HIPK2: variants seen among roughly 807,000 people sequenced by gnomAD.
The protein encoded by HIPK2 is homeodomain interacting protein kinase 2, also known as homeodomain-interacting protein kinase 2.
A neutral mutation model predicts 113.7 loss-of-function variants in HIPK2; 27 were observed. The observed-to-expected ratio is 0.24, with a 90% CI of 0.17 to 0.33. The LOEUF is 0.33. HIPK2 is among the 10% of genes least tolerant of loss of function. The pLI, the probability that HIPK2 is intolerant of heterozygous loss-of-function variation, is 1.00. For synonymous variants in HIPK2, 631 were observed against 642.2 expected, an observed-to-expected ratio of 0.98 and a Z score of 0.26; for missense variants, 1,257 against 1,588.0, an observed-to-expected ratio of 0.79 and a Z score of 3.54.
chr7:139,766,800 T>G (rs556004884), intron 1 of HIPK2, among the ~76,000 whole-genome samples: 52 of 152,304 alleles, frequency 3.4e-4, no homozygotes, highest in Non-Finnish European at 7.1e-4. Flanking sequence ...TCTTAAATAT[T>G]AGTTAATAAT....
At chr7:139,727,684 A>C (rs553306737) in intron 1 of HIPK2, among the ~76,000 whole-genome samples, 1 of 152,318 alleles carries the variant, frequency 6.6e-6, no homozygotes, top group African/African-American at 2.4e-5. Flanking sequence ...TGAAGCCATC[A>C]ACCACTGTGG....
Position 139,573,157 on chromosome 7 carries a change from AGGCCACCAGGTG to A in HIPK2, c.3355_3366del (p.His1119_Ala1122del). 6.2e-7 allele frequency: 1 copy of A among 1,610,518 alleles called. No individual in the cohort carries two copies. Among genetic ancestry groups the A allele is most frequent in the Non-Finnish European group, 8.5e-7 (1 of 1,179,270 alleles). The stretch of plus-strand genomic sequence containing the variant: ...ACGGTGTGGCGCGCAGAGCCTTGCG[AGGCCACCAGGTG>A]GGCCACGGTGCCGGTGGAGCCCAGG... On this transcript the variant is annotated inframe_deletion, in exon 15 of 15. Transcript: ENST00000406875.
intron 2 of HIPK2, among the ~76,000 whole-genome samples, chr7:139,651,020 T>C (rs2116467658): frequency 6.6e-6 from 1 of 152,332 alleles, no homozygotes; most frequent in African/African-American, 2.4e-5. Flanking sequence ...CCACGGAATT[T>C]TGAGGTACTT....
intron 1 of HIPK2, among the ~76,000 whole-genome samples, chr7:139,746,610 T>C (rs1424451342): frequency 1.3e-5 from 2 of 152,196 alleles, no homozygotes; most frequent in Non-Finnish European, 2.9e-5. Flanking sequence ...CCAAGCATGA[T>C]GCTGCACATG....
At chr7:139,708,766 A>G (rs1794981737) in intron 2 of HIPK2, among the ~76,000 whole-genome samples, 1 of 152,182 alleles carries the variant, frequency 6.6e-6, no homozygotes, top group Non-Finnish European at 1.5e-5. Flanking sequence ...CTTTCACCAC[A>G]TGGTGGGCGT....
intron 2 of HIPK2, among the ~76,000 whole-genome samples, chr7:139,696,616 C>T (rs1191790496): frequency 6.6e-6 from 1 of 151,556 alleles, no homozygotes. Flanking sequence ...AAAATGCAGT[C>T]TTTTCTGATT....
intron 13 of HIPK2, among the ~76,000 whole-genome samples, chr7:139,581,580 C>A (rs1798670492): frequency 6.6e-6 from 1 of 152,200 alleles, no homozygotes; most frequent in Non-Finnish European, 1.5e-5. Flanking sequence ...CAGTGCATAT[C>A]CTGGCCTAAG....
intron 9 of HIPK2, among the ~76,000 whole-genome samples, chr7:139,611,156 G>A (rs1231357910): frequency 1.3e-5 from 2 of 152,194 alleles, no homozygotes; most frequent in African/African-American, 4.8e-5. Context: ...TACCTGTCAA[G>A]TGACCAAACC....
intron 10 of HIPK2, among the ~76,000 whole-genome samples, chr7:139,601,648 A>G (rs1237400547): frequency 6.6e-6 from 1 of 152,188 alleles, no homozygotes; most frequent in African/African-American, 2.4e-5. Context: ...CATCCTAAAA[A>G]CGGGTTATGT....
intron 1 of HIPK2, among the ~76,000 whole-genome samples, chr7:139,730,194 T>C (rs1297383772): frequency 6.6e-6 from 1 of 152,172 alleles, no homozygotes; most frequent in Non-Finnish European, 1.5e-5. Flanking sequence ...ATGATGCGTT[T>C]TACTAGCCAA....
intron 2 of HIPK2, among the ~76,000 whole-genome samples, chr7:139,642,652 C>T (rs1337254511): frequency 1.3e-5 from 2 of 152,216 alleles, no homozygotes; most frequent in Non-Finnish European, 2.9e-5. Flanking sequence ...AAAAGACACA[C>T]AGCTTCCTAG....
intron 2 of HIPK2, among the ~76,000 whole-genome samples, chr7:139,700,137 A>C: frequency 6.6e-6 from 1 of 151,984 alleles, no homozygotes; most frequent in Middle Eastern, 3.4e-3. Context: ...GGGGGAGGGG[A>C]GGGCTGACGT....
At position 139,575,165 on chromosome 7, in the gene HIPK2, G is replaced by T; in HGVS notation, c.3089C>A (p.Pro1030His). Residue 1030 changes from proline (P) to histidine (H), a missense_variant, in exon 14 of 15, where the codon CCC (proline) becomes CAC (histidine). Coordinates refer to ENST00000406875, the MANE Select transcript of HIPK2 (RefSeq NM_022740.5). ...GAGTGGCTGCTGCTGCTGGAAGTGG[G>T]GGCCCGGCCGCTGCTGCCGGTAGGT... The part of the protein sequence containing the change: ...AITYRQQRPG[P>H]HFQQQQPLNL... The T allele has an allele frequency of 6.3e-7, 1 of 1,594,070 alleles. No individual in the cohort carries two copies. Among genetic ancestry groups the T allele is most frequent in the Non-Finnish European group, 8.5e-7 (1 of 1,170,936 alleles).
chr7:139,582,497 C>T (rs572087493), intron 13 of HIPK2, among the ~76,000 whole-genome samples: 4 of 152,330 alleles, frequency 2.6e-5, no homozygotes, highest in East Asian at 1.9e-4. Flanking sequence ...ATCGTCATGA[C>T]GGTACTGTTG....
chr7:139,748,049 A>G (rs1796217686), intron 1 of HIPK2, among the ~76,000 whole-genome samples: 2 of 151,798 alleles, frequency 1.3e-5, no homozygotes, highest in Admixed American at 1.3e-4. Context: ...TTTAACTGTC[A>G]CTTTGTGGTC....
chr7:139,601,148 G>A (rs1248770370), intron 10 of HIPK2, among the ~76,000 whole-genome samples: 1 of 151,972 alleles, frequency 6.6e-6, no homozygotes, highest in Non-Finnish European at 1.5e-5. Flanking sequence ...GGAGGCTGAG[G>A]TGGCAGGATC....
chr7:139,709,604 C>T (rs1031911427), intron 2 of HIPK2, among the ~76,000 whole-genome samples: 1 of 152,190 alleles, frequency 6.6e-6, no homozygotes. Context: ...ACAGACTGAA[C>T]CACCAATTCT....
At chr7:139,585,035 AATTT>A (rs1798790207) in intron 12 of HIPK2, among the ~76,000 whole-genome samples, 1 of 152,050 alleles carries the variant, frequency 6.6e-6, no homozygotes, top group South Asian at 2.1e-4. Context: ...ATGGATGTGA[AATTT>A]ATTGTTTATT....
At chr7:139,771,378 G>A (rs938750150) in intron 1 of HIPK2, among the ~76,000 whole-genome samples, 1 of 151,912 alleles carries the variant, frequency 6.6e-6, no homozygotes, top group Non-Finnish European at 1.5e-5. Context: ...GAAATGCAAA[G>A]TGATCAGTGG....
Sources: allele counts gnomAD v4.1 joint callset (sites outside exome capture counted in the v4.1 genomes callset), GRCh38; gene constraint gnomAD v4.1.1; transcripts MANE v1.5; gene names NCBI Gene and HGNC (gene_info 2026-07-23, HGNC 2026-07-21).